Variants in VEPH1 observed in about 807,000 individuals in gnomAD.
VEPH1 encodes ventricular zone expressed PH domain containing 1.
In VEPH1, 80 loss-of-function variants were observed where a neutral mutation model predicts 85.2. The observed-to-expected ratio is 0.94, with a 90% confidence interval of 0.78 to 1.13. The LOEUF (loss-of-function observed/expected upper bound fraction) is 1.13, where lower values mean the gene tolerates loss of function less well. VEPH1 is among the 50% of genes most tolerant of loss of function. VEPH1 has a pLI of 0.00. For synonymous variants in VEPH1, 297 were observed against 348.0 expected, an observed-to-expected ratio of 0.85 and a Z score of 1.63; for missense variants, 955 against 980.5, an observed-to-expected ratio of 0.97 and a Z score of 0.35.
chr3:157,314,461 T>C (rs908567588), intron 10 of VEPH1, among the ~76,000 whole-genome samples: 6 of 151,806 alleles, frequency 4.0e-5, no homozygotes, highest in African/African-American at 1.4e-4. Flanking sequence ...CAGTTGATAA[T>C]GATCTCCATA....
At chr3:157,300,091 C>T (rs754041429) in intron 11 of VEPH1, among the ~76,000 whole-genome samples, 3 of 152,048 alleles carry the variant, frequency 2.0e-5, no homozygotes, top group Non-Finnish European at 2.9e-5. Context: ...TTCTAGTTAC[C>T]ACACTTTCTT....
At chr3:157,261,932 G>A (rs1360014100) in intron 13 of VEPH1, among the ~76,000 whole-genome samples, 2 of 152,092 alleles carry the variant, frequency 1.3e-5, no homozygotes, top group Non-Finnish European at 2.9e-5. Flanking sequence ...AAAATTTAAG[G>A]ACCTCTACAA....
chr3:157,438,656 A>G (rs1046831181), intron 4 of VEPH1, among the ~76,000 whole-genome samples: 2 of 152,196 alleles, frequency 1.3e-5, no homozygotes, highest in Non-Finnish European at 2.9e-5. Context: ...ATTGGGGCCA[A>G]GCAGGAGAGA....
chr3:157,383,614 G>A (rs779934496), intron 6 of VEPH1, among the ~76,000 whole-genome samples: 3 of 152,080 alleles, frequency 2.0e-5, no homozygotes, highest in Non-Finnish European at 2.9e-5. Flanking sequence ...TATCTCTTGG[G>A]GTAAATGGGG....
intron 11 of VEPH1, among the ~76,000 whole-genome samples, chr3:157,312,990 C>T (rs1348724794): frequency 1.4e-5 from 2 of 148,146 alleles, no homozygotes; most frequent in South Asian, 2.2e-4. Context: ...CTGCAAGCTC[C>T]GCCTCCCGGG....
At position 157,279,499 on chromosome 3, in the gene VEPH1, G is replaced by A. The variant is rs536651408; in HGVS notation, c.2128+7058C>T. On this transcript the variant is annotated intron_variant, in intron 12 of 13. Coordinates refer to ENST00000362010, the MANE Select transcript of VEPH1 (RefSeq NM_001167912.2). ...AGACAACTCTCTTGGCTTTAAAGGG[G>A]AAGTGAGAGATAAGGCAGTAGATGG... is the stretch of plus-strand genomic sequence containing the variant. Among the ~76,000 whole-genome samples, 24 of 152,280 alleles carry A rather than the reference G, an allele frequency of 1.6e-4. No homozygotes were observed. The South Asian group carries it at 4.8e-3, about 30-fold the overall frequency.
chr3:157,438,326 A>T (rs932185853), intron 4 of VEPH1, among the ~76,000 whole-genome samples: 3 of 151,836 alleles, frequency 2.0e-5, no homozygotes, highest in Middle Eastern at 3.4e-3. Flanking sequence ...ACGTCTTCTA[A>T]TTTTATCCTG....
intron 4 of VEPH1, among the ~76,000 whole-genome samples, chr3:157,448,455 G>A (rs1450476135): frequency 6.6e-6 from 1 of 152,142 alleles, no homozygotes; most frequent in East Asian, 1.9e-4. Context: ...AGATTAAATA[G>A]CAATGGTGTT....
At position 157,292,983 on chromosome 3, in the gene VEPH1, CAA is replaced by C. The variant is rs11349713; in HGVS notation, c.2011-6311_2011-6310del. ...GGGCAACAAGAGCAAAACTCCACCTCAAAAAAAAAAAAAAAAGAAAAAAGAAA... is the reference window on the plus strand; with the variant it reads ...GGGCAACAAGAGCAAAACTCCACCTCAAAAAAAAAAAAAAGAAAAAAGAAA... On this transcript the variant is annotated intron_variant, in intron 11 of 13. Coordinates refer to ENST00000362010, the MANE Select transcript of VEPH1 (RefSeq NM_001167912.2). Among the ~76,000 whole-genome samples the C allele has an allele frequency of 9.2e-3, 1,015 of 110,058 alleles. 14 individuals carry two copies. Among genetic ancestry groups the C allele is most frequent in the African/African-American group, 0.027 (784 of 28,974 alleles). The allele number at this position is 110,058 out of a possible 152,430, so 72.2% of individuals were successfully genotyped here.
At chr3:157,320,669 A>G (rs908983443) in intron 9 of VEPH1, among the ~76,000 whole-genome samples, 1 of 152,094 alleles carries the variant, frequency 6.6e-6, no homozygotes, top group African/African-American at 2.4e-5. Flanking sequence ...TCTTTTTCTA[A>G]TAATCAAAGG....
intron 6 of VEPH1, among the ~76,000 whole-genome samples, chr3:157,411,825 C>A (rs146532642): frequency 1.1e-3 from 171 of 152,286 alleles, no homozygotes; most frequent in South Asian, 8.5e-3. Context: ...TCCTGGTACC[C>A]ACTGAGAGTC....
intron 11 of VEPH1, among the ~76,000 whole-genome samples, chr3:157,313,168 T>C (rs367666166): frequency 2.6e-5 from 4 of 152,018 alleles, no homozygotes; most frequent in African/African-American, 9.6e-5. Context: ...CCTCCCAAAG[T>C]GCTGGGATTA....
Position 157,441,725 on chromosome 3 carries a change from G to A in VEPH1, c.530-13237C>T, listed in dbSNP as rs1341669853. Among the ~76,000 whole-genome samples the A allele has an allele frequency of 3.3e-5, 5 of 151,804 alleles. No individual in the cohort carries two copies. The East Asian group carries it at 5.8e-4, about 18-fold the overall frequency. Reference sequence around the variant, plus strand: ...CTCCGGAAGCTGAGGCAGGAGAATCGCTTGAACCTGGGAAGCGAAGGTTGC... The same window carrying A: ...CTCCGGAAGCTGAGGCAGGAGAATCACTTGAACCTGGGAAGCGAAGGTTGC... On this transcript the variant is annotated intron_variant, in intron 4 of 13. Coordinates refer to ENST00000362010, the MANE Select transcript of VEPH1 (RefSeq NM_001167912.2).
At chr3:157,317,006 TA>T (rs948065071) in intron 10 of VEPH1, 55 bp downstream of exon 10, 92 of 1,533,558 alleles carry the variant, frequency 6.0e-5, no homozygotes, top group Non-Finnish European at 7.4e-5. Context: ...AAAATGATTA[TA>T]AGCCCATATC....
intron 6 of VEPH1, chr3:157,409,764 T>C (rs944813198): frequency 2.0e-6 from 2 of 985,280 alleles, no homozygotes; most frequent in Non-Finnish European, 1.2e-6. Flanking sequence ...CACCTGGCTT[T>C]ATGCAAGCAC....
At chr3:157,346,508 TA>T (rs1417668865) in intron 9 of VEPH1, among the ~76,000 whole-genome samples, 1 of 152,238 alleles carries the variant, frequency 6.6e-6, no homozygotes, top group Non-Finnish European at 1.5e-5. Flanking sequence ...TAATTTATAT[TA>T]AACATATTCC....
intron 4 of VEPH1, among the ~76,000 whole-genome samples, chr3:157,457,623 C>A (rs570398689): frequency 1.3e-5 from 2 of 152,158 alleles, no homozygotes; most frequent in South Asian, 4.1e-4. Context: ...GCCTTATCTG[C>A]ATCTATTGGA....
chr3:157,442,527 A>G (rs1297797416), intron 4 of VEPH1: 1 of 1,614,196 alleles, frequency 6.2e-7, no homozygotes, highest in Admixed American at 1.7e-5. Context: ...CACAAAGAGG[A>G]ATCCATATGA....
At chr3:157,411,968 C>T (rs761539538) in intron 6 of VEPH1, among the ~76,000 whole-genome samples, 1 of 152,132 alleles carries the variant, frequency 6.6e-6, no homozygotes, top group Non-Finnish European at 1.5e-5. Flanking sequence ...GGAGGTGACT[C>T]GATCACGAGG....
Sources: gnomAD v4.1 joint callset for allele counts (sites outside exome capture counted in the v4.1 genomes callset) on GRCh38, gnomAD v4.1.1 for gene constraint, MANE v1.5 for transcripts, NCBI Gene and HGNC (gene_info 2026-07-23, HGNC 2026-07-21) for gene names.